MAPRE2: variants seen among roughly 807,000 people sequenced by gnomAD.
The protein encoded by MAPRE2 is microtubule-associated protein RP/EB family member 2.
In MAPRE2, 13 loss-of-function variants were observed where a neutral mutation model predicts 43.2. The observed-to-expected ratio is 0.30, with a 90% CI of 0.20 to 0.48. MAPRE2 has a LOEUF of 0.48. Ranked by LOEUF, MAPRE2 falls within the 20% of genes least tolerant of loss-of-function variation. The probability of loss-of-function intolerance (pLI) is 0.99; values close to 1 mark genes in which losing one functional copy is unlikely to be tolerated. For synonymous variants in MAPRE2, 135 were observed against 148.8 expected, an observed-to-expected ratio of 0.91 and a Z score of 0.68; for missense variants, 161 against 400.2, an observed-to-expected ratio of 0.40 and a Z score of 5.10.
At chr18:34,981,004 G>C (rs1054328974) in intron 1 of MAPRE2, among the ~76,000 whole-genome samples, 1 of 152,044 alleles carries the variant, frequency 6.6e-6, no homozygotes, top group Non-Finnish European at 1.5e-5. Context: ...AGACCAAAAT[G>C]ATATAAATGC....
chr18:35,028,421 C>T (rs527247586), intron 2 of MAPRE2, among the ~76,000 whole-genome samples: 56 of 152,282 alleles, frequency 3.7e-4, no homozygotes, highest in African/African-American at 1.3e-3. Flanking sequence ...CTGAATTTTG[C>T]TATTCTTCTA....
At chr18:35,063,999 TTAAAAAAAAAAAAAAA>T (rs1357838198) in intron 1 of MAPRE2, among the ~76,000 whole-genome samples, 9 of 60,694 alleles carry the variant, frequency 1.5e-4, no homozygotes, top group African/African-American at 4.0e-4. Flanking sequence ...CCCTGTCTCT[TTAAAAAAAAAAAAAAA>T]AAAAAAAAAA....
chr18:35,066,206 G>A (rs1195507399), intron 1 of MAPRE2, among the ~76,000 whole-genome samples: 1 of 152,146 alleles, frequency 6.6e-6, no homozygotes, highest in East Asian at 1.9e-4. Flanking sequence ...ACCTTCCATA[G>A]GATGTTGATG....
intron 5 of MAPRE2, among the ~76,000 whole-genome samples, chr18:35,128,248 CT>C (rs1909992934): frequency 1.3e-5 from 2 of 152,178 alleles, no homozygotes; most frequent in South Asian, 4.1e-4. Flanking sequence ...TTCTAATTAC[CT>C]GCTGATTCTC....
chr18:34,986,125 A>G (rs1177889677), intron 1 of MAPRE2, among the ~76,000 whole-genome samples: 1 of 152,112 alleles, frequency 6.6e-6, no homozygotes, highest in Non-Finnish European at 1.5e-5. Flanking sequence ...GTACCTAGAA[A>G]TGAGTAGATT....
At chr18:35,059,547 TAA>T (rs1906413527) in intron 1 of MAPRE2, among the ~76,000 whole-genome samples, 1 of 152,210 alleles carries the variant, frequency 6.6e-6, no homozygotes, top group Non-Finnish European at 1.5e-5. Context: ...ACATATTCTA[TAA>T]AGTTTCTGCC....
At chr18:35,062,736 C>T (rs923993665) in intron 1 of MAPRE2, among the ~76,000 whole-genome samples, 3 of 152,126 alleles carry the variant, frequency 2.0e-5, no homozygotes, top group Non-Finnish European at 2.9e-5. Flanking sequence ...AAGGAAGCAT[C>T]GATATTTCTA....
intron 2 of MAPRE2, among the ~76,000 whole-genome samples, chr18:35,075,462 C>T (rs1350170439): frequency 6.6e-6 from 1 of 152,138 alleles, no homozygotes; most frequent in Non-Finnish European, 1.5e-5. Flanking sequence ...CTTATTGGCT[C>T]TCTGGTATTG....
upstream of MAPRE2, chr18:35,041,331 G>C (rs751422550): frequency 7.4e-5 from 106 of 1,431,434 alleles, no homozygotes; most frequent in Non-Finnish European, 8.5e-5. Context: ...CTGGCCACGT[G>C]ACCAGGGTGC....
At chr18:35,008,802 A>G (rs2097032997) in intron 2 of MAPRE2, among the ~76,000 whole-genome samples, 1 of 151,986 alleles carries the variant, frequency 6.6e-6, no homozygotes, top group Admixed American at 6.6e-5. Context: ...AGTTTACTAT[A>G]TTTTTCCCAG....
chr18:35,052,079 A>G (rs1228631352), intron 1 of MAPRE2, among the ~76,000 whole-genome samples: 1 of 152,148 alleles, frequency 6.6e-6, no homozygotes, highest in Non-Finnish European at 1.5e-5. Flanking sequence ...CCCCTCATCA[A>G]CTTTATTAAG....
chr18:35,029,846 GT>G (rs1245824198), intron 2 of MAPRE2, among the ~76,000 whole-genome samples: 1 of 152,174 alleles, frequency 6.6e-6, no homozygotes, highest in East Asian at 1.9e-4. Flanking sequence ...ACATAGACAC[GT>G]TTTAACGAGA....
chr18:35,120,862 A>G (rs1472816777), intron 4 of MAPRE2, among the ~76,000 whole-genome samples: 1 of 152,118 alleles, frequency 6.6e-6, no homozygotes, highest in Non-Finnish European at 1.5e-5. Context: ...ATAGTTGTTC[A>G]GCTCTGGGTT....
intron 6 of MAPRE2, among the ~76,000 whole-genome samples, chr18:35,136,467 T>C (rs1175001905): frequency 6.6e-6 from 1 of 152,066 alleles, no homozygotes; most frequent in Non-Finnish European, 1.5e-5. Flanking sequence ...TGATGACAAA[T>C]GTGATAATGG....
chr18:35,093,763 A>G (rs1908271402), intron 2 of MAPRE2, among the ~76,000 whole-genome samples: 1 of 152,178 alleles, frequency 6.6e-6, no homozygotes, highest in African/African-American at 2.4e-5. Context: ...GAGACTGGAA[A>G]GGGGAAAGCA....
Position 35,102,152 on chromosome 18 carries a change from C to G in MAPRE2, c.603C>G (p.Pro201=), listed in dbSNP as rs1455198286. The change falls in exon 4 of 7, where the codon CCC becomes CCG. Residue 201 remains proline (P), a synonymous_variant. Coordinates refer to ENST00000300249, the MANE Select transcript of MAPRE2 (RefSeq NM_014268.4). ...LPKKSHHANS[P]TAGAAKSSPA... is the part of the protein sequence containing the mutation. ...AAAAGTCTCACCATGCAAACTCCCCCACAGCAGGTATTGTCACAATGAGAT... is the reference window on the plus strand; with the variant it reads ...AAAAGTCTCACCATGCAAACTCCCCGACAGCAGGTATTGTCACAATGAGAT... 1.3e-5 allele frequency: 21 copies of G among 1,592,924 alleles called. No homozygotes were observed. Among genetic ancestry groups the G allele is most frequent in the Middle Eastern group, 1.7e-4 (1 of 5,936 alleles).
At chr18:35,121,749 A>G (rs749157149) in intron 4 of MAPRE2, among the ~76,000 whole-genome samples, 2 of 152,246 alleles carry the variant, frequency 1.3e-5, no homozygotes, top group African/African-American at 2.4e-5. Context: ...AAAGGTACAG[A>G]AGTCAAATCA....
chr18:35,094,288 T>G (rs1161059065), intron 2 of MAPRE2, among the ~76,000 whole-genome samples: 2 of 152,226 alleles, frequency 1.3e-5, no homozygotes, highest in African/African-American at 4.8e-5. Flanking sequence ...TGAAAGCTAT[T>G]ATTTTTATAT....
At chr18:35,099,293 A>G (rs1352628120) in intron 3 of MAPRE2, among the ~76,000 whole-genome samples, 1 of 152,216 alleles carries the variant, frequency 6.6e-6, no homozygotes, top group Non-Finnish European at 1.5e-5. Flanking sequence ...AACTCAGAAG[A>G]CATAAAAGTG....
Sources: allele counts gnomAD v4.1 joint callset (sites outside exome capture counted in the v4.1 genomes callset), GRCh38; gene constraint gnomAD v4.1.1; transcripts MANE v1.5; gene names NCBI Gene and HGNC (gene_info 2026-07-23, HGNC 2026-07-21).